Variants in PLSCR2 observed in about 807,000 individuals in gnomAD.
The protein encoded by PLSCR2 is phospholipid scramblase 2.
Under a neutral mutation model 25.3 loss-of-function variants are expected in PLSCR2, and 18 were observed. The ratio of observed to expected loss-of-function variants is 0.71; its 90% CI spans 0.49 to 1.06. The LOEUF (loss-of-function observed/expected upper bound fraction) is 1.06. Among genes scored for constraint, PLSCR2 ranks in the 50% least tolerant of loss-of-function variants. The pLI is 0.00. For synonymous variants in PLSCR2, 88 were observed against 87.3 expected (o/e 1.01, Z -0.04); for missense variants, 243 against 269.5 (o/e 0.90, Z 0.69).
intron 4 of PLSCR2, 133 bp from the exon 5 acceptor site, chr3:146,454,296 G>A (rs1397631752): frequency 3.6e-6 from 2 of 549,036 alleles, no homozygotes; most frequent in Non-Finnish European, 6.1e-6. Flanking sequence ...TTTTTTTAAA[G>A]ATTGAATAAG....
chr3:146,484,356 C>A (rs56080524), intron 1 of PLSCR2, among the ~76,000 whole-genome samples: 5 of 151,644 alleles, frequency 3.3e-5, no homozygotes, highest in Non-Finnish European at 5.9e-5. Context: ...AATAAGTTGG[C>A]AAACACACTT....
At chr3:146,392,915 T>C (rs185737161) in intron 3 of PLSCR2, among the ~76,000 whole-genome samples, 19 of 151,596 alleles carry the variant, frequency 1.3e-4, no homozygotes, top group African/African-American at 4.6e-4. Flanking sequence ...TTCTCTTTTC[T>C]TCAATAATTA....
intron 1 of PLSCR2, among the ~76,000 whole-genome samples, chr3:146,480,174 G>C (rs1203570262): frequency 6.6e-6 from 1 of 152,092 alleles, no homozygotes; most frequent in Non-Finnish European, 1.5e-5. Context: ...ACAATTAAAA[G>C]AACTAGAGAA....
rs1157838437 is a variant in PLSCR2 at position 146,393,822 on chromosome 3, A to AAAAAC, written c.*145+1937_*145+1938insGTTTT. 4.6e-5 allele frequency among the ~76,000 whole-genome samples: 7 copies of AAAAAC among 151,718 alleles called. No homozygotes were observed. The East Asian group carries it at 7.7e-4, about 17-fold the overall frequency. On this transcript the variant is annotated intron_variant and NMD_transcript_variant, in intron 3 of 3. Transcript: ENST00000463633. ...AGACTCCGTCTCAAAAAAAAAAAAA[A>AAAAAC]AACTTCTAAATAAGACCATTAATCA...
chr3:146,471,830 C>A (rs1258529368), intron 1 of PLSCR2, among the ~76,000 whole-genome samples: 1 of 152,186 alleles, frequency 6.6e-6, no homozygotes, highest in East Asian at 1.9e-4. Flanking sequence ...TCCCAAAGTG[C>A]TGGGATTGCA....
intron 4 of PLSCR2, among the ~76,000 whole-genome samples, 177 bp downstream of exon 4, chr3:146,455,062 G>A (rs1320025803): frequency 6.6e-6 from 1 of 152,134 alleles, no homozygotes; most frequent in Non-Finnish European, 1.5e-5. Flanking sequence ...GGGACACGAG[G>A]CTAACTATTC....
intron 1 of PLSCR2, among the ~76,000 whole-genome samples, chr3:146,466,731 A>G (rs569607573): frequency 6.6e-6 from 1 of 152,076 alleles, no homozygotes; most frequent in Non-Finnish European, 1.5e-5. Flanking sequence ...CCATAAAGAT[A>G]AAGTGTTTAC....
chr3:146,423,758 T>C (rs771756522), intron 2 of PLSCR2, among the ~76,000 whole-genome samples: 1 of 152,048 alleles, frequency 6.6e-6, no homozygotes, highest in Non-Finnish European at 1.5e-5. Flanking sequence ...AGAATGGAGA[T>C]GTTACAGTGG....
downstream of PLSCR2, among the ~76,000 whole-genome samples, chr3:146,430,384 G>C (rs1198371258): frequency 6.6e-6 from 1 of 152,130 alleles, no homozygotes; most frequent in African/African-American, 2.4e-5. Flanking sequence ...TTCTAGGAAA[G>C]TCAGGAAGCC....
chr3:146,455,301 C>A (rs773543014), exon 4 of PLSCR2: 1 of 1,614,094 alleles, frequency 6.2e-7, no homozygotes, highest in Non-Finnish European at 8.5e-7. Flanking sequence ...AGAGTTATGA[C>A]TTCTCGACCC....
intron 3 of PLSCR2, among the ~76,000 whole-genome samples, chr3:146,457,976 G>T (rs1324353814): frequency 8.5e-5 from 13 of 152,100 alleles, no homozygotes; most frequent in Admixed American, 6.5e-4. Flanking sequence ...AAATGGCGTG[G>T]TGTTTGTATA....
At chr3:146,408,254 A>G (rs530579656) in intron 2 of PLSCR2, among the ~76,000 whole-genome samples, 81 of 152,242 alleles carry the variant, frequency 5.3e-4, no homozygotes, top group Non-Finnish European at 1.0e-3. Flanking sequence ...CTAGGGTCTT[A>G]AAGTCTGGAG....
At chr3:146,439,775 C>T (rs146587161), downstream of PLSCR2, among the ~76,000 whole-genome samples, 506 of 152,316 alleles carry the variant, frequency 3.3e-3, 6 homozygotes, top group African/African-American at 0.012. Context: ...TCTCTCAACT[C>T]GTCAAAGTCA....
intron 1 of PLSCR2, among the ~76,000 whole-genome samples, chr3:146,494,429 T>G (rs1018489876): frequency 7.9e-5 from 12 of 152,174 alleles, no homozygotes; most frequent in Non-Finnish European, 2.9e-5. Context: ...TGTCTACATG[T>G]GTGCATATAC....
At chr3:146,441,748 G>T (rs765074756), downstream of PLSCR2, 1 of 1,417,676 alleles carries the variant, frequency 7.1e-7, no homozygotes, top group Non-Finnish European at 9.8e-7. Context: ...AATTTTCTGA[G>T]GAGACTTACA....
chr3:146,401,959 T>C lies in PLSCR2; in HGVS notation c.101-6038A>G, dbSNP rs551416298. Among the ~76,000 whole-genome samples, 387 of 151,952 alleles carry C rather than the reference T, an allele frequency of 2.5e-3. 1 individual carries two copies. The highest frequency in any genetic ancestry group is 9.0e-3 in the African/African-American group (372 of 41,532). ...TGTACTTACACTAAATTGAGGGAAG[T>C]AGGAAATACTCTCATATATTATTTA... On this transcript the variant is annotated intron_variant and NMD_transcript_variant, in intron 2 of 3. Coordinates refer to the PLSCR2 transcript ENST00000463633.
At chr3:146,464,759 C>T (rs956829941), upstream of PLSCR2, among the ~76,000 whole-genome samples, 1 of 152,158 alleles carries the variant, frequency 6.6e-6, no homozygotes, top group African/African-American at 2.4e-5. Context: ...TAGTACATCT[C>T]TTTTAAAGTA....
intron 1 of PLSCR2, among the ~76,000 whole-genome samples, chr3:146,487,836 A>G (rs1385142169): frequency 2.0e-5 from 3 of 152,176 alleles, no homozygotes; most frequent in African/African-American, 4.8e-5. Flanking sequence ...TAAATTTCAT[A>G]TGGAACCAAA....
upstream of PLSCR2, among the ~76,000 whole-genome samples, chr3:146,461,476 C>A (rs927377398): frequency 1.3e-5 from 2 of 152,154 alleles, no homozygotes; most frequent in African/African-American, 2.4e-5. Context: ...TTACAGTTAA[C>A]TTCTGGAAGA....
Sources: gnomAD v4.1 joint callset for allele counts (sites outside exome capture counted in the v4.1 genomes callset) on GRCh38, gnomAD v4.1.1 for gene constraint, MANE v1.5 for transcripts, NCBI Gene and HGNC (gene_info 2026-07-23, HGNC 2026-07-21) for gene names.